ERCC5: variants seen among roughly 807,000 people sequenced by gnomAD.
ERCC5 encodes the protein ERCC excision repair 5, endonuclease.
A neutral mutation model predicts 105.6 loss-of-function variants in ERCC5; 68 were observed. The observed-to-expected ratio is 0.64, with a 90% CI of 0.53 to 0.79. ERCC5 has a LOEUF of 0.79. ERCC5 is among the 30% of genes least tolerant of loss of function. ERCC5 has a pLI of 0.00. For synonymous variants in ERCC5, 546 were observed against 526.2 expected, an observed-to-expected ratio of 1.04 and a Z score of -0.51; for missense variants, 1,373 against 1,426.7, an observed-to-expected ratio of 0.96 and a Z score of 0.61.
At position 102,849,603 on chromosome 13, in the gene ERCC5, T is replaced by G. The variant is rs1229230796; in HGVS notation, c.89-2515T>G. ...CATTTTTTTTTATGTTAGTAAAAGTTAGGCAGTGTACATTCATTTAAATAC... is the reference window on the plus strand; with the variant it reads ...CATTTTTTTTTATGTTAGTAAAAGTGAGGCAGTGTACATTCATTTAAATAC... On this transcript the variant is annotated intron_variant, in intron 1 of 14. Coordinates refer to ENST00000652225, the MANE Select transcript of ERCC5 (RefSeq NM_000123.4). Among the ~76,000 whole-genome samples the G allele has an allele frequency of 3.9e-5, 6 of 152,196 alleles. No homozygotes were observed. The East Asian group carries it at 1.2e-3, about 29-fold the overall frequency.
At chr13:102,855,953 C>A in intron 4 of ERCC5, 99 bp from the exon 5 acceptor site, 1 of 1,211,060 alleles carries the variant, frequency 8.3e-7, no homozygotes, top group Non-Finnish European at 1.2e-6. Context: ...GTTTTATTCA[C>A]CACTGTAGCC....
rs746477204 is a variant in ERCC5, at chr13:102,875,868, C to G, written c.3526C>G (p.Leu1176Val). 1 of 1,611,338 alleles carries G rather than the reference C, an allele frequency of 6.2e-7. No individual in the cohort carries two copies. Among genetic ancestry groups the G allele is most frequent in the African/African-American group, 1.3e-5 (1 of 74,912 alleles). Residue 1176 changes from leucine (L) to valine (V), a missense_variant, in exon 15 of 15, where the codon CTA (leucine) becomes GTA (valine). This residue lies in a region of ERCC5 where 367 missense variants were observed against 350.2 expected (regional missense o/e 1.05). Coordinates refer to ENST00000652225, the MANE Select transcript of ERCC5 (RefSeq NM_000123.4). ...RSVFGKKRRK[L>V]RRARGRKRKT ...TGTGTTTGGGAAGAAAAGAAGGAAA[C>G]TAAGACGTGCGAGGGGAAGAAAAAG...
intron 13 of ERCC5, 65 bp from the exon 14 acceptor site, chr13:102,873,194 G>T: frequency 6.2e-7 from 1 of 1,602,282 alleles, no homozygotes; most frequent in South Asian, 1.1e-5. Context: ...GGGTTCTTTG[G>T]ACCTTTTTAT....
intron 1 of ERCC5, among the ~76,000 whole-genome samples, chr13:102,849,944 CT>C (rs1882138426): frequency 9.7e-6 from 1 of 102,908 alleles, no homozygotes; most frequent in African/African-American, 3.1e-5. Context: ...TTTTTTTTTT[CT>C]TTTTGTTTTT....
chr13:102,867,005 A>G (rs1348529419), intron 11 of ERCC5, among the ~76,000 whole-genome samples, 160 bp downstream of exon 11: 3 of 152,176 alleles, frequency 2.0e-5, no homozygotes, highest in Admixed American at 6.5e-5. Context: ...GAGGAATAGG[A>G]TTTTAAACAT....
intron 8 of ERCC5, among the ~76,000 whole-genome samples, chr13:102,864,166 A>AC (rs1595384698): frequency 6.9e-6 from 1 of 145,726 alleles, no homozygotes; most frequent in South Asian, 2.2e-4. Flanking sequence ...ACACACACAC[A>AC]ATTTGTTCCT....
rs1381034842 is a variant in ERCC5 at position 102,858,430 on chromosome 13, A to C, written c.672+12A>C. 6.2e-7 allele frequency: 1 copy of C among 1,614,132 alleles called. No individual in the cohort carries two copies. ...AAGCAATGCCAGAGGTGAAATATGC[A>C]ACAGTACATTCATGCTTAGAATTAA... On this transcript the variant is annotated intron_variant, in intron 6 of 14. Coordinates refer to ENST00000652225, the MANE Select transcript of ERCC5 (RefSeq NM_000123.4).
At chr13:102,854,721 G>A (rs1469966768) in intron 4 of ERCC5, among the ~76,000 whole-genome samples, 6 of 152,192 alleles carry the variant, frequency 3.9e-5, no homozygotes, top group Non-Finnish European at 8.8e-5. Flanking sequence ...TCACCATGAT[G>A]CTAAAATACC....
At position 102,854,378 on chromosome 13, in the gene ERCC5, A is replaced by G. The variant is rs372582779; in HGVS notation, c.467+4A>G. On this transcript the variant is annotated splice_donor_region_variant and intron_variant, in intron 4 of 14. Transcript: ENST00000652225. The stretch of plus-strand genomic sequence containing the variant: ...TACAAGAGGAAGAAAAACACAGGTA[A>G]ATGTTTAACTATTTAAGAATATTAT... 1 of 1,613,416 alleles carries G rather than the reference A, an allele frequency of 6.2e-7. No homozygotes were observed. Among genetic ancestry groups the G allele is most frequent in the Non-Finnish European group, 8.5e-7 (1 of 1,179,330 alleles).
intron 4 of ERCC5, among the ~76,000 whole-genome samples, chr13:102,855,374 G>A (rs540343396): frequency 5.9e-5 from 9 of 151,642 alleles, no homozygotes; most frequent in Admixed American, 5.3e-4. Flanking sequence ...CTCAGCCTCC[G>A]GAGTAGCTGG....
Position 102,875,297 on chromosome 13 carries a change from A to AT in ERCC5, c.2965-3dup, listed in dbSNP as rs1291403485. 2 of 1,612,278 alleles carry AT rather than the reference A, an allele frequency of 1.2e-6. No homozygotes were observed. Among genetic ancestry groups the AT allele is most frequent in the African/African-American group, 1.3e-5 (1 of 74,766 alleles). On this transcript the variant is annotated splice_polypyrimidine_tract_variant and intron_variant, in intron 14 of 14. Coordinates refer to ENST00000652225, the MANE Select transcript of ERCC5 (RefSeq NM_000123.4). Reference sequence around the variant, plus strand: ...GATTTATTATTATTATTCTTTTGTTATTTTTTTAGACACAGCTCCGAATTG... The same window carrying AT: ...GATTTATTATTATTATTCTTTTGTTATTTTTTTTAGACACAGCTCCGAATTG...
chr13:102,846,158 T>G lies in ERCC5; in HGVS notation c.-109T>G. ...TCTGTATTATTTGCCATCTTTGTTG[T>G]GTAGGAGCAGGGAGGGCTTCCTCCC... On this transcript the variant is annotated 5_prime_UTR_variant, in exon 1 of 15. Coordinates refer to ENST00000652225, the MANE Select transcript of ERCC5 (RefSeq NM_000123.4). 1 of 836,532 alleles carries G rather than the reference T, an allele frequency of 1.2e-6. No individual in the cohort carries two copies. The highest frequency in any genetic ancestry group is 2.7e-5 in the East Asian group (1 of 37,570). The allele number at this position is 836,532 out of a possible 1,614,324, so 51.8% of individuals were successfully genotyped here.
At chr13:102,853,943 A>G in intron 3 of ERCC5, 71 bp downstream of exon 3, 1 of 1,426,208 alleles carries the variant, frequency 7.0e-7, no homozygotes, top group South Asian at 1.2e-5. Flanking sequence ...ATTTCCTGCG[A>G]TTCTCTTTCC....
rs1865031021 is a variant in ERCC5, at chr13:102,861,818, A to G, written c.880+104A>G. The G allele has an allele frequency of 1.3e-5, 19 of 1,438,900 alleles. No homozygotes were observed. The Admixed American group carries it at 2.6e-4, about 19-fold the overall frequency. 89.1% of individuals were successfully genotyped at this position (1,438,900 alleles called of 1,614,324 possible). A position where few individuals can be genotyped will look rare whatever the true frequency, so the allele number is the denominator to read the frequency against. ...CCCTGGATAATATTAATGAAATTCTATTTATGTAATAACTGTATACTGCTA... is the reference window on the plus strand; with the variant it reads ...CCCTGGATAATATTAATGAAATTCTGTTTATGTAATAACTGTATACTGCTA... On this transcript the variant is annotated intron_variant, in intron 7 of 14. Transcript: ENST00000652225.
chr13:102,853,664 C>G (rs1882286202), intron 2 of ERCC5, 93 bp from the exon 3 acceptor site: 3 of 1,349,254 alleles, frequency 2.2e-6, no homozygotes, highest in African/African-American at 2.9e-5. Flanking sequence ...TCTGAAAACT[C>G]AGACAAACCA....
In ERCC5 at chr13:102,861,625, G is replaced by A; in HGVS notation, c.791G>A (p.Arg264Lys). The stretch of plus-strand genomic sequence containing the variant: ...CAGCAACATTCAGGACACATCCGAA[G>A]GCAGTATGAAGATGAAGGGGGCTTT... Reference protein sequence around the residue: ...MNQQHSGHIRRQYEDEGGFLK... With the variant: ...MNQQHSGHIRKQYEDEGGFLK... The change falls in exon 7 of 15, where the codon AGG (arginine) becomes AAG (lysine). Residue 264 changes from arginine to lysine, a missense_variant. Around this residue, in one of 3 missense-constraint regions of ERCC5, gnomAD observed 1,004 missense variants for 1,059.7 expected, o/e 0.95. Transcript: ENST00000652225. The A allele has an allele frequency of 6.2e-7, 1 of 1,614,150 alleles. No homozygotes were observed. Among genetic ancestry groups the A allele is most frequent in the South Asian group, 1.1e-5 (1 of 91,084 alleles).
chr13:102,856,146 C>T, intron 5 of ERCC5, 34 bp downstream of exon 5: 1 of 1,585,302 alleles, frequency 6.3e-7, no homozygotes, highest in Non-Finnish European at 8.7e-7. Flanking sequence ...AGAATGTATT[C>T]TGTTATTTGA....
intron 11 of ERCC5, among the ~76,000 whole-genome samples, chr13:102,867,799 G>A (rs907908059): frequency 5.9e-5 from 9 of 152,176 alleles, no homozygotes; most frequent in African/African-American, 2.2e-4. Context: ...AATTGGGGAT[G>A]CTCATTGGAT....
At chr13:102,861,804 A>G in intron 7 of ERCC5, 90 bp downstream of exon 7, 1 of 1,482,654 alleles carries the variant, frequency 6.7e-7, no homozygotes, top group Non-Finnish European at 9.2e-7. Context: ...CCTGGATAAT[A>G]TTAATGAAAT....
Sources: allele counts gnomAD v4.1 joint callset (sites outside exome capture counted in the v4.1 genomes callset), GRCh38; gene constraint gnomAD v4.1.1; regional missense constraint gnomAD v4.1.1; transcripts MANE v1.5; gene names NCBI Gene and HGNC (gene_info 2026-07-23, HGNC 2026-07-21).